Variants in TMEM132D observed in about 807,000 individuals in gnomAD.
The protein encoded by TMEM132D is mature OL transmembrane protein.
A neutral mutation model predicts 62.3 loss-of-function variants in TMEM132D; 21 were observed. The observed-to-expected ratio is 0.34, with a 90% CI of 0.24 to 0.49. The LOEUF (loss-of-function observed/expected upper bound fraction) is 0.49, where lower values mean the gene tolerates loss of function less well. Ranked by LOEUF, TMEM132D falls within the 20% of genes least tolerant of loss-of-function variation. The pLI is 0.99. For synonymous variants in TMEM132D, 621 were observed against 575.6 expected (o/e 1.08, Z -1.13); for missense variants, 1,346 against 1,402.8 (o/e 0.96, Z 0.65).
chr12:129,095,779 C>A lies in TMEM132D; in HGVS notation c.1444-11077G>T, dbSNP rs186197551. Among the ~76,000 whole-genome samples, 724 of 152,260 alleles carry A rather than the reference C, an allele frequency of 4.8e-3. 7 individuals carry two copies. Among genetic ancestry groups the A allele is most frequent in the Non-Finnish European group, 7.1e-3 (486 of 68,016 alleles). ...CAGCTGCCCCCAGGCCAGGGAGAAA[C>A]CAAACCCGCACACACCTAATCTCTG... On this transcript the variant is annotated intron_variant, in intron 5 of 8. Coordinates refer to ENST00000422113, the MANE Select transcript of TMEM132D (RefSeq NM_133448.3).
chr12:129,327,028 A>G (rs1381134037), intron 4 of TMEM132D, among the ~76,000 whole-genome samples: 1 of 152,180 alleles, frequency 6.6e-6, no homozygotes, highest in African/African-American at 2.4e-5. Flanking sequence ...GGCCGTGTTG[A>G]CAACCCAAAC....
intron 3 of TMEM132D, chr12:129,522,625 C>G (rs147693167): frequency 1.3e-4 from 20 of 152,256 alleles, no homozygotes; most frequent in African/African-American, 4.3e-4. Flanking sequence ...AAATGGCTGT[C>G]GCAAAGAACA....
intron 1 of TMEM132D, among the ~76,000 whole-genome samples, chr12:129,709,995 C>G (rs1881602528): frequency 6.6e-6 from 1 of 152,086 alleles, no homozygotes; most frequent in African/African-American, 2.4e-5. Context: ...ACATTTATGA[C>G]CAGCCCTAGC....
intron 1 of TMEM132D, among the ~76,000 whole-genome samples, chr12:129,860,375 T>A (rs1445179138): frequency 1.3e-5 from 2 of 152,224 alleles, no homozygotes; most frequent in Non-Finnish European, 2.9e-5. Flanking sequence ...ATTTAGATGT[T>A]AACTTGGAGT....
At chr12:129,435,794 T>C (rs903460255) in intron 3 of TMEM132D, among the ~76,000 whole-genome samples, 1 of 152,222 alleles carries the variant, frequency 6.6e-6, no homozygotes, top group African/African-American at 2.4e-5. Context: ...AGGGAATGTC[T>C]ATATTATTTG....
Position 129,585,815 on chromosome 12 carries a change from ATGTG to A in TMEM132D, c.969-54614_969-54611del, listed in dbSNP as rs34364323. On this transcript the variant is annotated intron_variant, in intron 2 of 8. Coordinates refer to ENST00000422113, the MANE Select transcript of TMEM132D (RefSeq NM_133448.3). ...CAAAATACCAATGAGATATGCATGC[ATGTG>A]TGTGTGTGTGTGTGTGTGTGTCTGT... Among the ~76,000 whole-genome samples, 24 of 147,734 alleles carry A rather than the reference ATGTG, an allele frequency of 1.6e-4. No homozygotes were observed. In the South Asian group the frequency reaches 2.6e-3, roughly 16 times the overall value.
chr12:129,779,576 C>A lies in TMEM132D; in HGVS notation c.80-78878G>T, dbSNP rs549389896. Among the ~76,000 whole-genome samples, 1 of 152,202 alleles carries A rather than the reference C, an allele frequency of 6.6e-6. No individual in the cohort carries two copies. Among genetic ancestry groups the A allele is most frequent in the South Asian group, 2.1e-4 (1 of 4,826 alleles). On this transcript the variant is annotated intron_variant, in intron 1 of 8. Transcript: ENST00000422113. The surrounding 1 kb of genome is among the most constrained non-coding windows in gnomAD (Gnocchi z 4.1). ...GGGATTACAGGTGTGAGCCACCACA[C>A]CCGGCCCAGGTTTTTGTTATTGTTT...
intron 3 of TMEM132D, among the ~76,000 whole-genome samples, chr12:129,496,629 G>A (rs1280567907): frequency 1.3e-5 from 2 of 151,482 alleles, no homozygotes; most frequent in Non-Finnish European, 2.9e-5. Flanking sequence ...ATATGTTTTA[G>A]CAGTAACAAT....
chr12:129,842,318 G>A (rs943162904), intron 1 of TMEM132D, among the ~76,000 whole-genome samples: 2 of 152,030 alleles, frequency 1.3e-5, no homozygotes, highest in African/African-American at 4.8e-5. Flanking sequence ...AAGTGATGGA[G>A]ACCCCTGGGG....
chr12:129,583,524 C>T (rs907371969), intron 2 of TMEM132D, among the ~76,000 whole-genome samples: 2 of 152,184 alleles, frequency 1.3e-5, no homozygotes, highest in African/African-American at 4.8e-5. Flanking sequence ...TGGTAGTTTG[C>T]TTTTGTAGCT....
intron 4 of TMEM132D, among the ~76,000 whole-genome samples, chr12:129,269,920 G>T (rs1489733702): frequency 6.6e-6 from 1 of 152,152 alleles, no homozygotes; most frequent in Non-Finnish European, 1.5e-5. Flanking sequence ...TGCAACCAAG[G>T]CGTCTGAAAG....
chr12:129,568,627 A>G (rs1457071805), intron 2 of TMEM132D, among the ~76,000 whole-genome samples: 2 of 152,244 alleles, frequency 1.3e-5, no homozygotes, highest in African/African-American at 2.4e-5. Context: ...AGTGTTTCTG[A>G]AACAAAGTGT....
intron 3 of TMEM132D, among the ~76,000 whole-genome samples, chr12:129,506,500 T>A (rs1430125660): frequency 1.3e-5 from 2 of 152,106 alleles, no homozygotes; most frequent in Admixed American, 1.3e-4. Context: ...GGTACTGGTA[T>A]AAAAATAGGC....
At chr12:129,252,696 T>C (rs1880300064) in intron 4 of TMEM132D, among the ~76,000 whole-genome samples, 1 of 152,128 alleles carries the variant, frequency 6.6e-6, no homozygotes, top group Non-Finnish European at 1.5e-5. Flanking sequence ...ACTGGGTATA[T>C]ACCCAAAGGA....
At chr12:129,639,636 A>G (rs1027472543) in intron 2 of TMEM132D, among the ~76,000 whole-genome samples, 1 of 152,032 alleles carries the variant, frequency 6.6e-6, no homozygotes, top group African/African-American at 2.4e-5. Flanking sequence ...AGCAAACAAC[A>G]AGCCACATTC....
At chr12:129,201,862 T>C (rs1462957182) in intron 5 of TMEM132D, among the ~76,000 whole-genome samples, 1 of 152,198 alleles carries the variant, frequency 6.6e-6, no homozygotes, top group East Asian at 1.9e-4. Context: ...CACCCTAAGC[T>C]AGCGCCAGGC....
intron 1 of TMEM132D, among the ~76,000 whole-genome samples, chr12:129,828,800 GAGGA>G (rs1872742847): frequency 8.2e-6 from 1 of 122,390 alleles, no homozygotes. Context: ...GGGAGGGAGG[GAGGA>G]AAGGAAGGGA....
chr12:129,354,557 T>C (rs1475868578), intron 3 of TMEM132D, among the ~76,000 whole-genome samples: 2 of 152,204 alleles, frequency 1.3e-5, no homozygotes, highest in Admixed American at 6.5e-5. Flanking sequence ...CTCCTGACTT[T>C]GTGATCTGCC....
chr12:129,686,676 T>C (rs1880928460), intron 2 of TMEM132D, among the ~76,000 whole-genome samples: 1 of 152,204 alleles, frequency 6.6e-6, no homozygotes, highest in African/African-American at 2.4e-5. Context: ...TTACTCACAT[T>C]TTGCCAAAGC....
Sources: allele counts gnomAD v4.1 joint callset (sites outside exome capture counted in the v4.1 genomes callset), GRCh38; gene constraint gnomAD v4.1.1; non-coding constraint Gnocchi (gnomAD v3.1); transcripts MANE v1.5; gene names NCBI Gene and HGNC (gene_info 2026-07-23, HGNC 2026-07-21).